Variants in CD109 observed in about 807,000 individuals in gnomAD.
CD109 encodes the protein CD109 antigen.
In CD109, 149 loss-of-function variants were observed where a neutral mutation model predicts 165.8. The ratio of observed to expected loss-of-function variants is 0.90; its 90% CI spans 0.79 to 1.03. The LOEUF is 1.03. CD109 is among the 50% of genes least tolerant of loss of function. The pLI, the probability that CD109 is intolerant of heterozygous loss-of-function variation, is 0.00. For synonymous variants in CD109, 585 were observed against 592.1 expected (o/e 0.99, Z 0.18); for missense variants, 1,712 against 1,677.8 (o/e 1.02, Z -0.36).
chr6:73,768,826 A>G (rs1019823098), intron 14 of CD109, among the ~76,000 whole-genome samples: 2 of 152,188 alleles, frequency 1.3e-5, no homozygotes, highest in African/African-American at 4.8e-5. Flanking sequence ...ACCTGATTGC[A>G]TCATCTCATG....
At chr6:73,758,503 A>T (rs969241311) in intron 6 of CD109, among the ~76,000 whole-genome samples, 2 of 152,116 alleles carry the variant, frequency 1.3e-5, no homozygotes, top group African/African-American at 4.8e-5. Context: ...CTCCTGCCTC[A>T]GCCTCCTGAG....
intron 5 of CD109, among the ~76,000 whole-genome samples, chr6:73,749,276 TG>T (rs1409483132): frequency 6.6e-6 from 1 of 152,212 alleles, no homozygotes; most frequent in African/African-American, 2.4e-5. Context: ...GCATTTCAGC[TG>T]TGGGTCTCCG....
At chr6:73,807,472 C>T (rs1562081841) in intron 25 of CD109, among the ~76,000 whole-genome samples, 1 of 152,102 alleles carries the variant, frequency 6.6e-6, no homozygotes, top group Non-Finnish European at 1.5e-5. Context: ...GTTACAATAT[C>T]TGTTAATTTA....
At chr6:73,770,363 A>G (rs956028009) in intron 14 of CD109, among the ~76,000 whole-genome samples, 1 of 152,268 alleles carries the variant, frequency 6.6e-6, no homozygotes, top group African/African-American at 2.4e-5. Flanking sequence ...AAGTCGAGTC[A>G]ACTTGAGGGG....
intron 25 of CD109, among the ~76,000 whole-genome samples, 162 bp downstream of exon 25, chr6:73,807,234 A>G (rs2150294835): frequency 6.6e-6 from 1 of 152,360 alleles, no homozygotes; most frequent in African/African-American, 2.4e-5. Flanking sequence ...GCCATGTTCC[A>G]AAATCTGAGA....
At position 73,823,568 on chromosome 6, in the gene CD109, C is replaced by G. The variant is rs752329222; in HGVS notation, c.4273C>G (p.His1425Asp). Residue 1425 changes from histidine (H) to aspartate (D), a missense_variant, in exon 33 of 33, where the codon CAT (histidine) becomes GAT (aspartate). Coordinates refer to ENST00000287097, the MANE Select transcript of CD109 (RefSeq NM_133493.5). ...PCEDGASGSH[H>D]HSSVIFIFCF... ...TGAGGATGGAGCTTCAGGCTCCCAT[C>G]ATCACTCTTCAGTCATTTTTATTTT... is the stretch of plus-strand genomic sequence containing the variant. 3.7e-6 allele frequency: 6 copies of G among 1,613,746 alleles called. No homozygotes were observed. The African/African-American group carries it at 8.0e-5, about 22-fold the overall frequency.
upstream of CD109, among the ~76,000 whole-genome samples, chr6:73,692,422 A>G (rs1014237660): frequency 5.9e-5 from 9 of 152,272 alleles, no homozygotes; most frequent in South Asian, 6.2e-4. Context: ...AAGGAGATAT[A>G]ATATATATTT....
intron 27 of CD109, 79 bp downstream of exon 27, chr6:73,810,253 A>G (rs970327516): frequency 3.9e-5 from 13 of 336,874 alleles, no homozygotes; most frequent in African/African-American, 2.7e-4. Flanking sequence ...TATATATAAT[A>G]TATAGTATAT....
At chr6:73,758,584 A>G (rs1424303266) in intron 6 of CD109, among the ~76,000 whole-genome samples, 2 of 152,022 alleles carry the variant, frequency 1.3e-5, no homozygotes, top group African/African-American at 2.4e-5. Flanking sequence ...AGGATTCACC[A>G]TGCTGGCCAG....
Position 73,827,748 on chromosome 6 carries a change from A to G in CD109, c.*4115A>G, listed in dbSNP as rs1263220374. 1.3e-5 allele frequency: 2 copies of G among 152,228 alleles called. No individual in the cohort carries two copies. The highest frequency in any genetic ancestry group is 2.4e-5 in the African/African-American group (1 of 41,468). The allele number at this position is 152,228 out of a possible 1,614,324, so 9.4% of individuals were successfully genotyped here. On this transcript the variant is annotated 3_prime_UTR_variant, in exon 33 of 33. Transcript: ENST00000287097. ...GTCATTTTCATTTCAGTTGTAACAT[A>G]GGAAAATAGATATTTCCTAGATGAT... is the stretch of plus-strand genomic sequence containing the variant.
At chr6:73,730,226 A>G in intron 3 of CD109, 118 bp from the exon 4 acceptor site, 2 of 675,642 alleles carry the variant, frequency 3.0e-6, no homozygotes, top group South Asian at 3.9e-5. Flanking sequence ...GCAAATTTTC[A>G]ACATCGCAGT....
At chr6:73,807,381 G>T (rs937426923) in intron 25 of CD109, among the ~76,000 whole-genome samples, 3 of 152,170 alleles carry the variant, frequency 2.0e-5, no homozygotes, top group Admixed American at 6.5e-5. Context: ...TGAGGGGAAA[G>T]AAAATTATTT....
At position 73,783,947 on chromosome 6, in the gene CD109, C is replaced by A. The variant is rs934890845; in HGVS notation, c.2223+123C>A. 86 of 598,694 alleles carry A rather than the reference C, an allele frequency of 1.4e-4. No individual in the cohort carries two copies. In the African/African-American group the frequency reaches 1.5e-3, roughly 10 times the overall value. The allele number at this position is 598,694 out of a possible 1,614,324, so 37.1% of individuals were successfully genotyped here. A position where few individuals can be genotyped will look rare whatever the true frequency, so the allele number is the denominator to read the frequency against. Reference sequence around the variant, plus strand: ...TTATCACAGTTTAGAGATTCCTTGGCTTTGTCTTTTGGTTTTTATCTGTTT... The same window carrying A: ...TTATCACAGTTTAGAGATTCCTTGGATTTGTCTTTTGGTTTTTATCTGTTT... On this transcript the variant is annotated intron_variant, in intron 19 of 32. Transcript: ENST00000287097.
intron 22 of CD109, among the ~76,000 whole-genome samples, chr6:73,791,160 T>TATATATATATACACACACATACAC: frequency 3.0e-5 from 1 of 33,410 alleles, no homozygotes; most frequent in African/African-American, 1.2e-4. Flanking sequence ...TATATATATA[T>TATATATATATACACACACATACAC]ATATATATAT....
chr6:73,680,353 T>C, the CD109 span, among the ~76,000 whole-genome samples: 1 of 152,214 alleles, frequency 6.6e-6, no homozygotes, highest in Non-Finnish European at 1.5e-5. Context: ...ATGATACCTT[T>C]GACTAAAATA....
intron 2 of CD109, among the ~76,000 whole-genome samples, chr6:73,705,992 A>G (rs551274945): frequency 2.0e-5 from 3 of 152,288 alleles, no homozygotes; most frequent in South Asian, 2.1e-4. Flanking sequence ...GAGAGGGTGG[A>G]TAATTCCTGG....
At chr6:73,698,195 G>T (rs1770927259) in intron 2 of CD109, among the ~76,000 whole-genome samples, 3 of 152,134 alleles carry the variant, frequency 2.0e-5, no homozygotes, top group Admixed American at 2.0e-4. Flanking sequence ...TTTCAAGTTT[G>T]GGTTCTGACA....
At chr6:73,727,734 A>C (rs1772194056) in intron 3 of CD109, among the ~76,000 whole-genome samples, 1 of 152,338 alleles carries the variant, frequency 6.6e-6, no homozygotes, top group Non-Finnish European at 1.5e-5. Flanking sequence ...AAAAATGATA[A>C]ACATATCAAA....
chr6:73,789,998 G>A (rs1181946583), intron 22 of CD109, among the ~76,000 whole-genome samples: 1 of 151,910 alleles, frequency 6.6e-6, no homozygotes, highest in African/African-American at 2.4e-5. Context: ...CTGACCCAAA[G>A]TGCTGGGATT....
Sources: gnomAD v4.1 joint callset for allele counts (sites outside exome capture counted in the v4.1 genomes callset) on GRCh38, gnomAD v4.1.1 for gene constraint, MANE v1.5 for transcripts, NCBI Gene and HGNC (gene_info 2026-07-23, HGNC 2026-07-21) for gene names.